The following PGCKA1 variants were observed in gnomAD, a reference collection of about 807,000 sequenced individuals.
PGCKA1 encodes PDCD10 and GCKIII kinases associated 1, also known as PDCD10 and GCKIII kinases-associated protein 1.
At chr4:37,543,713 A>G in the PGCKA1 span, among the ~76,000 whole-genome samples, 1 of 151,362 alleles carries the variant, frequency 6.6e-6, no homozygotes, top group African/African-American at 2.4e-5. Flanking sequence ...GGGCGCCTGT[A>G]GTCCCAGCTA....
chr4:37,586,771 G>C, the PGCKA1 span, among the ~76,000 whole-genome samples: 1 of 152,160 alleles, frequency 6.6e-6, no homozygotes, highest in Non-Finnish European at 1.5e-5. Context: ...TTAGCTGGGC[G>C]TGTTGGCAGG....
chr4:37,547,978 A>T, the PGCKA1 span, among the ~76,000 whole-genome samples: 1 of 142,230 alleles, frequency 7.0e-6, no homozygotes, highest in African/African-American at 2.8e-5. Context: ...GTTCTCTTTA[A>T]AAAAAAAAAA....
the PGCKA1 span, among the ~76,000 whole-genome samples, chr4:37,524,719 G>A: frequency 6.6e-6 from 1 of 152,196 alleles, no homozygotes; most frequent in Non-Finnish European, 1.5e-5. Flanking sequence ...TTATGTGATA[G>A]TTTCTTATGG....
the PGCKA1 span, among the ~76,000 whole-genome samples, chr4:37,583,332 C>T: frequency 1.3e-5 from 2 of 152,208 alleles, no homozygotes; most frequent in African/African-American, 2.4e-5. Flanking sequence ...CCCTGGACTT[C>T]GCCCTTCCCC....
chr4:37,471,894 A>AACTGC, the PGCKA1 span, among the ~76,000 whole-genome samples: 1 of 152,220 alleles, frequency 6.6e-6, no homozygotes, highest in African/African-American at 2.4e-5. Context: ...AGATGCTAGC[A>AACTGC]ACTGCCCTTG....
chr4:37,577,683 A>G, the PGCKA1 span, among the ~76,000 whole-genome samples: 60 of 152,116 alleles, frequency 3.9e-4, no homozygotes, highest in Non-Finnish European at 7.9e-4. Context: ...GTAGGCCTGT[A>G]TAGGGATAAA....
the PGCKA1 span, among the ~76,000 whole-genome samples, chr4:37,528,253 T>G: frequency 6.6e-6 from 1 of 152,218 alleles, no homozygotes; most frequent in African/African-American, 2.4e-5. Context: ...AGGGATTTTG[T>G]GTTGTCATTC....
chr4:37,454,453 A>G, the PGCKA1 span, among the ~76,000 whole-genome samples: 2 of 152,258 alleles, frequency 1.3e-5, no homozygotes, highest in African/African-American at 4.8e-5. Context: ...CTCCTCCCCC[A>G]TTTTAAGTAT....
chr4:37,554,001 A>C, the PGCKA1 span, among the ~76,000 whole-genome samples: 1 of 152,184 alleles, frequency 6.6e-6, no homozygotes, highest in African/African-American at 2.4e-5. Flanking sequence ...GTCCCCACCC[A>C]AATCTCATCT....
At chr4:37,536,829 T>C in the PGCKA1 span, among the ~76,000 whole-genome samples, 1 of 152,324 alleles carries the variant, frequency 6.6e-6, no homozygotes, top group East Asian at 1.9e-4. Flanking sequence ...CTAAAACTGA[T>C]AGCTTAACCA....
At chr4:37,456,659 G>A in the PGCKA1 span, among the ~76,000 whole-genome samples, 3 of 152,334 alleles carry the variant, frequency 2.0e-5, no homozygotes, top group South Asian at 2.1e-4. Context: ...CATCATGTGC[G>A]TAGACCCAGA....
At chr4:37,488,939 A>G in the PGCKA1 span, among the ~76,000 whole-genome samples, 1 of 152,256 alleles carries the variant, frequency 6.6e-6, no homozygotes, top group African/African-American at 2.4e-5. Context: ...AAACCCATTT[A>G]AAAAACACAG....
At chr4:37,469,675 T>C in the PGCKA1 span, among the ~76,000 whole-genome samples, 1 of 152,194 alleles carries the variant, frequency 6.6e-6, no homozygotes, top group African/African-American at 2.4e-5. Context: ...TGGAAAATTT[T>C]ATGTTTCTCA....
the PGCKA1 span, among the ~76,000 whole-genome samples, chr4:37,486,234 AGGT>A: frequency 3.3e-5 from 5 of 152,070 alleles, no homozygotes; most frequent in African/African-American, 1.2e-4. Context: ...TCCTACTCTT[AGGT>A]GAAGATTTTT....
At chr4:37,488,415 A>G in the PGCKA1 span, among the ~76,000 whole-genome samples, 1 of 152,154 alleles carries the variant, frequency 6.6e-6, no homozygotes, top group East Asian at 1.9e-4. Context: ...GTAGGCAACA[A>G]CAACAAAAAA....
chr4:37,506,581 C>T, the PGCKA1 span, among the ~76,000 whole-genome samples: 1 of 148,748 alleles, frequency 6.7e-6, no homozygotes, highest in Non-Finnish European at 1.5e-5. Context: ...TGTATAGTTT[C>T]CAAAATTACT....
chr4:37,540,493 G>A, the PGCKA1 span, among the ~76,000 whole-genome samples: 1 of 152,034 alleles, frequency 6.6e-6, no homozygotes, highest in South Asian at 2.1e-4. Flanking sequence ...TTTTTCTGTG[G>A]AGATTCTAGA....
At chr4:37,562,972 G>A in the PGCKA1 span, among the ~76,000 whole-genome samples, 1 of 152,256 alleles carries the variant, frequency 6.6e-6, no homozygotes, top group African/African-American at 2.4e-5. Flanking sequence ...TCTAAACCGT[G>A]CTCAGTCTTT....
At chr4:37,455,545 G>A in the PGCKA1 span, among the ~76,000 whole-genome samples, 1 of 152,168 alleles carries the variant, frequency 6.6e-6, no homozygotes, top group Admixed American at 6.5e-5. Context: ...CAGCAAGTAT[G>A]ATCTTGGTCC....
Sources: gnomAD v4.1 joint callset for allele counts (sites outside exome capture counted in the v4.1 genomes callset) on GRCh38, gnomAD v4.1.1 for gene constraint, MANE v1.5 for transcripts, NCBI Gene and HGNC (gene_info 2026-07-23, HGNC 2026-07-21) for gene names.